MKNK1: variants seen among roughly 807,000 people sequenced by gnomAD.
MKNK1 encodes MAPK interacting serine/threonine kinase 1, also known as MAP kinase-interacting serine/threonine-protein kinase 1.
MKNK1 carries 30 observed loss-of-function variants against 49.3 expected under a neutral mutation model. The observed-to-expected ratio is 0.61, with a 90% CI of 0.46 to 0.83. The LOEUF is 0.83. Ranked by LOEUF, MKNK1 falls within the 40% of genes least tolerant of loss-of-function variation. The pLI is 0.00. For synonymous variants in MKNK1, 176 were observed against 201.7 expected (o/e 0.87, Z 1.08); for missense variants, 423 against 524.7 (o/e 0.81, Z 1.89).
chr1:46,577,269 A>G (rs956341850), intron 4 of MKNK1, among the ~76,000 whole-genome samples: 1 of 152,180 alleles, frequency 6.6e-6, no homozygotes, highest in African/African-American at 2.4e-5. Context: ...ACCTGAGGTC[A>G]GGAGTTCTAG....
At chr1:46,579,452 T>A (rs1570208096) in intron 4 of MKNK1, among the ~76,000 whole-genome samples, 1 of 152,298 alleles carries the variant, frequency 6.6e-6, no homozygotes, top group East Asian at 1.9e-4. Flanking sequence ...CTATCCTACA[T>A]CTGGAAACCT....
intron 3 of MKNK1, among the ~76,000 whole-genome samples, chr1:46,581,904 C>T (rs1671804336): frequency 6.6e-6 from 1 of 152,152 alleles, no homozygotes; most frequent in Admixed American, 6.5e-5. Flanking sequence ...GAGGCTACAT[C>T]TCCATCACAG....
intron 2 of MKNK1, among the ~76,000 whole-genome samples, chr1:46,588,365 G>A (rs1672873642): frequency 6.6e-6 from 1 of 152,150 alleles, no homozygotes; most frequent in Admixed American, 6.5e-5. Flanking sequence ...TTTGGTATCT[G>A]ATTTTAGTTT....
chr1:46,561,448 T>G (rs1444657909), intron 11 of MKNK1, 30 bp downstream of exon 11: 1 of 1,578,320 alleles, frequency 6.3e-7, no homozygotes, highest in Non-Finnish European at 8.6e-7. Context: ...CCTGAAGTGG[T>G]GGAAAACACC....
intron 1 of MKNK1, among the ~76,000 whole-genome samples, chr1:46,597,302 A>C (rs1343184859): frequency 9.4e-5 from 6 of 63,872 alleles, no homozygotes; most frequent in African/African-American, 5.8e-4. Flanking sequence ...TTTTAGAGCA[A>C]AAAAAAAAAA....
chr1:46,562,722 C>T lies in MKNK1; in HGVS notation c.731G>A (p.Gly244Asp). ...GCAGTGACCCACGAAGGGTGGGTAG[C>T]CACTCAGCATGATGTAGAGGACCAC... ...LGVVLYIMLS[G>D]YPPFVGHCGA... is the part of the protein sequence containing the mutation. The change falls in exon 10 of 13, where the codon GGC (glycine) becomes GAC (aspartate). Residue 244 changes from glycine to aspartate, a missense_variant. Gly to Asp is a moderately conservative substitution (Grantham distance 94). Coordinates refer to ENST00000371945, the MANE Select transcript of MKNK1 (RefSeq NM_001135553.4). The T allele has an allele frequency of 1.3e-6, 2 of 1,594,230 alleles. No homozygotes were observed. The highest frequency in any genetic ancestry group is 1.7e-6 in the Non-Finnish European group (2 of 1,169,436).
At chr1:46,588,992 G>C (rs996004874) in intron 2 of MKNK1, among the ~76,000 whole-genome samples, 2 of 152,200 alleles carry the variant, frequency 1.3e-5, no homozygotes, top group Non-Finnish European at 2.9e-5. Flanking sequence ...GAAGGCCTGG[G>C]CTGCCCATGC....
intron 2 of MKNK1, 158 bp downstream of exon 2, chr1:46,593,955 G>T: frequency 1.7e-6 from 1 of 589,794 alleles, no homozygotes. Flanking sequence ...CTCCTACTAA[G>T]CGTTATCTGA....
Position 46,558,621 on chromosome 1 carries a change from G to A in MKNK1, c.1193C>T (p.Ala398Val), listed in dbSNP as rs778823449. 1.2e-6 allele frequency: 2 copies of A among 1,613,754 alleles called. No homozygotes were observed. Among genetic ancestry groups the A allele is most frequent in the African/African-American group, 2.7e-5 (2 of 74,952 alleles). ...KSRLARRRAL[A>V]QAGRGEDRSP... is the part of the protein sequence containing the mutation. The stretch of plus-strand genomic sequence containing the variant: ...CCTGTCTTCACCACGGCCTGCCTGG[G>A]CCAGGGCCCGTCTCCGGGCCAGGCG... Residue 398 changes from alanine to valine, a missense_variant, in exon 13 of 13, where the codon GCC (alanine) becomes GTC (valine). Transcript: ENST00000371945.
At chr1:46,572,804 T>C (rs1020052215) in intron 6 of MKNK1, among the ~76,000 whole-genome samples, 3 of 152,158 alleles carry the variant, frequency 2.0e-5, no homozygotes, top group Non-Finnish European at 2.9e-5. Context: ...CTGAAGGCAC[T>C]TGGAGCTGAG....
intron 12 of MKNK1, among the ~76,000 whole-genome samples, chr1:46,559,072 C>T (rs925484441): frequency 6.6e-6 from 1 of 152,196 alleles, no homozygotes; most frequent in African/African-American, 2.4e-5. Context: ...TGAGCTCCCA[C>T]AACTCTACAT....
chr1:46,580,750 C>A lies in MKNK1; in HGVS notation c.101-123G>T, dbSNP rs1177980967. The stretch of plus-strand genomic sequence containing the variant: ...ACACAGGCACCCAATGACTCTAGCA[C>A]TCAGTGACAAGGAAGACAAGTAGCT... On this transcript the variant is annotated intron_variant, in intron 3 of 12. Coordinates refer to ENST00000371945, the MANE Select transcript of MKNK1 (RefSeq NM_001135553.4). 7.8e-6 allele frequency: 5 copies of A among 643,264 alleles called. No homozygotes were observed. The East Asian group carries it at 1.4e-4, about 18-fold the overall frequency. The allele number at this position is 643,264 out of a possible 1,614,324, so 39.8% of individuals were successfully genotyped here. A position where few individuals can be genotyped will look rare whatever the true frequency, so the allele number is the denominator to read the frequency against.
At chr1:46,580,277 TA>T (rs1671540436) in intron 4 of MKNK1, among the ~76,000 whole-genome samples, 1 of 152,226 alleles carries the variant, frequency 6.6e-6, no homozygotes. Context: ...TTACCTATAT[TA>T]ACTTATTTAA....
intron 1 of MKNK1, among the ~76,000 whole-genome samples, chr1:46,603,516 T>C (rs1675012087): frequency 6.6e-6 from 1 of 152,210 alleles, no homozygotes; most frequent in Admixed American, 6.5e-5. Context: ...GACCCTATTA[T>C]GGCCATTTCC....
chr1:46,603,960 CG>C (rs1023128854), intron 1 of MKNK1, among the ~76,000 whole-genome samples: 2 of 152,122 alleles, frequency 1.3e-5, no homozygotes, highest in Non-Finnish European at 2.9e-5. Context: ...ACAGAGTAAG[CG>C]CCATCTCGGA....
chr1:46,594,217 G>A lies in MKNK1; in HGVS notation c.-107C>T. The A allele has an allele frequency of 8.1e-7, 1 of 1,235,626 alleles. No individual in the cohort carries two copies. Among genetic ancestry groups the A allele is most frequent in the Non-Finnish European group, 1.2e-6 (1 of 836,638 alleles). 76.5% of individuals were successfully genotyped at this position (1,235,626 alleles called of 1,614,324 possible). On this transcript the variant is annotated 5_prime_UTR_variant, in exon 2 of 13. Coordinates refer to ENST00000371945, the MANE Select transcript of MKNK1 (RefSeq NM_001135553.4). ...TTGGTGTCTTCCAGCTACACGAAGT[G>A]TCTCAATGGCCTTTGTGCGTAGGTG...
At chr1:46,585,357 C>T (rs1323269009) in intron 2 of MKNK1, 1 of 144,312 alleles carries the variant, frequency 6.9e-6, no homozygotes, top group Non-Finnish European at 1.5e-5. Flanking sequence ...AAAAAGCTGC[C>T]CAAATGTATA....
intron 9 of MKNK1, 104 bp from the exon 10 acceptor site, chr1:46,562,947 G>A (rs1668306149): frequency 1.0e-6 from 1 of 992,640 alleles, no homozygotes; most frequent in African/African-American, 1.7e-5. Context: ...ACTGGAGCAG[G>A]AGGCTGGAAG....
intron 12 of MKNK1, 78 bp downstream of exon 12, chr1:46,560,156 G>A: frequency 6.6e-7 from 1 of 1,525,414 alleles, no homozygotes; most frequent in African/African-American, 1.4e-5. Context: ...GCCTAGAGAT[G>A]GGCTCCCCCG....
Sources: gnomAD v4.1 joint callset for allele counts (sites outside exome capture counted in the v4.1 genomes callset) on GRCh38, gnomAD v4.1.1 for gene constraint, MANE v1.5 for transcripts, NCBI Gene and HGNC (gene_info 2026-07-23, HGNC 2026-07-21) for gene names.